The following ACAP2 variants were observed in gnomAD, a reference collection of about 807,000 sequenced individuals.
ACAP2 encodes the protein ArfGAP with coiled-coil, ankyrin repeat and PH domains 2.
A neutral mutation model predicts 115.8 loss-of-function variants in ACAP2; 39 were observed. The ratio of observed to expected loss-of-function variants is 0.34; its 90% confidence interval spans 0.26 to 0.44. The LOEUF (loss-of-function observed/expected upper bound fraction) is 0.44. Among genes scored for constraint, ACAP2 ranks in the 20% least tolerant of loss-of-function variants. ACAP2 has a pLI of 1.00. For missense variants in ACAP2, 662 were observed against 927.6 expected, an observed-to-expected ratio of 0.71 and a Z score of 3.72; for synonymous variants, 289 against 315.8, an observed-to-expected ratio of 0.92 and a Z score of 0.90.
At chr3:195,380,203 T>C (rs1213875182) in intron 4 of ACAP2, among the ~76,000 whole-genome samples, 3 of 152,150 alleles carry the variant, frequency 2.0e-5, no homozygotes, top group East Asian at 1.9e-4. Flanking sequence ...AATATTAGCA[T>C]AGCTAAAATT....
rs183155974 is a variant in ACAP2 at position 195,415,979 on chromosome 3, A to G, written c.54-23832T>C. On this transcript the variant is annotated intron_variant, in intron 1 of 22. Transcript: ENST00000326793. Reference sequence around the variant, plus strand: ...CAAAAAGAAATGGACAAACAGGCCAATAGAAAAATAAGAAGAAAATATAAA... The same window carrying G: ...CAAAAAGAAATGGACAAACAGGCCAGTAGAAAAATAAGAAGAAAATATAAA... Among the ~76,000 whole-genome samples the G allele has an allele frequency of 2.5e-3, 385 of 152,284 alleles. 1 individual carries two copies. Among genetic ancestry groups the G allele is most frequent in the Non-Finnish European group, 4.1e-3 (282 of 68,030 alleles).
intron 5 of ACAP2, among the ~76,000 whole-genome samples, chr3:195,343,972 TTAAGG>T (rs1731036560): frequency 6.6e-6 from 1 of 152,060 alleles, no homozygotes; most frequent in African/African-American, 2.4e-5. Flanking sequence ...CTTTGGGAGG[TTAAGG>T]TAAGAAAACT....
At chr3:195,423,127 G>A (rs371024121) in intron 1 of ACAP2, among the ~76,000 whole-genome samples, 7 of 151,614 alleles carry the variant, frequency 4.6e-5, no homozygotes, top group Non-Finnish European at 2.9e-5. Context: ...TTATTTTTAC[G>A]AGCTGCAGGT....
chr3:195,401,286 C>T (rs1338704299), intron 1 of ACAP2, among the ~76,000 whole-genome samples: 1 of 152,188 alleles, frequency 6.6e-6, no homozygotes, highest in Non-Finnish European at 1.5e-5. Flanking sequence ...CTTATTAATA[C>T]ATAATAAAAG....
chr3:195,281,355 A>G (rs1394257873), intron 22 of ACAP2, among the ~76,000 whole-genome samples: 1 of 152,134 alleles, frequency 6.6e-6, no homozygotes, highest in Non-Finnish European at 1.5e-5. Context: ...CAGTGAGCCA[A>G]GATCGCGCCA....
intron 1 of ACAP2, among the ~76,000 whole-genome samples, chr3:195,412,378 G>A (rs1417457913): frequency 3.3e-5 from 5 of 150,428 alleles, no homozygotes; most frequent in Non-Finnish European, 7.4e-5. Context: ...TCAGGAGTTC[G>A]AGACCAGCCT....
At chr3:195,292,568 G>T in intron 18 of ACAP2, 116 bp from the exon 19 acceptor site, 1 of 949,362 alleles carries the variant, frequency 1.1e-6, no homozygotes, top group Non-Finnish European at 1.5e-6. Context: ...TGGATGAATG[G>T]CAGTAAAGAT....
rs948751790 is a variant in ACAP2, at chr3:195,373,258, A to T, written c.285+7751T>A. Among the ~76,000 whole-genome samples the T allele has an allele frequency of 2.0e-5, 3 of 151,906 alleles. No homozygotes were observed. In the East Asian group the frequency reaches 5.8e-4, roughly 29 times the overall value. On this transcript the variant is annotated intron_variant, in intron 4 of 22. Transcript: ENST00000326793. The stretch of plus-strand genomic sequence containing the variant: ...TAAAAATAAAAAATTTATTTGGAAA[A>T]CTCTGATGATCTAGTAAAATATTTT...
intron 4 of ACAP2, among the ~76,000 whole-genome samples, chr3:195,371,973 T>G (rs967735102): frequency 6.6e-5 from 10 of 152,184 alleles, no homozygotes; most frequent in Non-Finnish European, 1.5e-4. Flanking sequence ...ATCCTTAATT[T>G]TATAATCTTT....
intron 18 of ACAP2, 110 bp downstream of exon 18, chr3:195,294,606 AAAT>A (rs60639034): frequency 0.046 from 4,204 of 91,656 alleles, 182 homozygotes; most frequent in African/African-American, 0.19. Context: ...AAAAAAAAAA[AAAT>A]TATATATATA....
chr3:195,352,550 AT>A (rs1167538729), intron 4 of ACAP2, among the ~76,000 whole-genome samples: 3 of 152,232 alleles, frequency 2.0e-5, no homozygotes, highest in African/African-American at 7.2e-5. Flanking sequence ...ATAAAACTAT[AT>A]GCCTACACAG....
chr3:195,309,532 C>G (rs1275582857), intron 10 of ACAP2, among the ~76,000 whole-genome samples: 1 of 143,996 alleles, frequency 6.9e-6, no homozygotes, highest in African/African-American at 2.6e-5. Flanking sequence ...GGCGACCGAG[C>G]AAGACTCCGT....
intron 4 of ACAP2, among the ~76,000 whole-genome samples, chr3:195,374,136 A>G (rs532816304): frequency 2.0e-5 from 3 of 152,300 alleles, no homozygotes; most frequent in Non-Finnish European, 4.4e-5. Flanking sequence ...CTGTCATCCC[A>G]GCACTTTGGG....
intron 4 of ACAP2, among the ~76,000 whole-genome samples, chr3:195,347,969 G>A (rs913694374): frequency 5.3e-5 from 8 of 151,648 alleles, no homozygotes; most frequent in Non-Finnish European, 1.2e-4. Flanking sequence ...CTGTGATCAC[G>A]CCACTGCACT....
intron 4 of ACAP2, among the ~76,000 whole-genome samples, chr3:195,357,195 G>A (rs1732029508): frequency 6.6e-6 from 1 of 151,968 alleles, no homozygotes; most frequent in Non-Finnish European, 1.5e-5. Context: ...ACTCCCTGTG[G>A]GCCTGTGTGG....
intron 9 of ACAP2, among the ~76,000 whole-genome samples, chr3:195,323,483 C>A (rs1369332080): frequency 6.6e-6 from 1 of 151,678 alleles, no homozygotes; most frequent in Non-Finnish European, 1.5e-5. Context: ...AAAAGATGTA[C>A]AAGAAAAATC....
intron 13 of ACAP2, among the ~76,000 whole-genome samples, chr3:195,302,808 C>T (rs141839222): frequency 2.1e-3 from 323 of 152,094 alleles, no homozygotes; most frequent in African/African-American, 7.3e-3. Flanking sequence ...ATTTTTTGGC[C>T]GAGAGCGGTG....
rs1734723461 is a variant in ACAP2 at position 195,392,164 on chromosome 3, T to C, written c.54-17A>G. ...AAAGCTGCCCTAGAAAAATTAAATA[T>C]AAAATAAGTTATTTCGTTTGTTTAA... On this transcript the variant is annotated splice_polypyrimidine_tract_variant and intron_variant, in intron 1 of 22. Coordinates refer to ENST00000326793, the MANE Select transcript of ACAP2 (RefSeq NM_012287.6). 1.9e-6 allele frequency: 3 copies of C among 1,592,198 alleles called. No individual in the cohort carries two copies. Among genetic ancestry groups the C allele is most frequent in the African/African-American group, 1.3e-5 (1 of 74,160 alleles).
intron 15 of ACAP2, among the ~76,000 whole-genome samples, chr3:195,300,044 C>CT (rs765234326): frequency 0.097 from 3,312 of 34,250 alleles, 188 homozygotes; most frequent in African/African-American, 0.18. Flanking sequence ...CTTTTTTTTT[C>CT]TTTTTTTTTT....
Sources: gnomAD v4.1 joint callset for allele counts (sites outside exome capture counted in the v4.1 genomes callset) on GRCh38, gnomAD v4.1.1 for gene constraint, MANE v1.5 for transcripts, NCBI Gene and HGNC (gene_info 2026-07-23, HGNC 2026-07-21) for gene names.